UBE3B: variants seen among roughly 807,000 people sequenced by gnomAD.
UBE3B encodes ubiquitin-protein ligase E3B.
In UBE3B, 80 loss-of-function variants were observed where a neutral mutation model predicts 132.3. That is an observed-to-expected ratio of 0.60 (90% confidence interval 0.50 to 0.73). The LOEUF (loss-of-function observed/expected upper bound fraction) is 0.73. Ranked by LOEUF, UBE3B falls within the 30% of genes least tolerant of loss-of-function variation. UBE3B has a pLI of 0.00. For synonymous variants in UBE3B, 487 were observed against 520.4 expected (o/e 0.94, Z 0.87); for missense variants, 1,196 against 1,362.5 (o/e 0.88, Z 1.92).
downstream of UBE3B, among the ~76,000 whole-genome samples, chr12:109,538,403 C>T (rs543468699): frequency 2.0e-4 from 31 of 152,332 alleles, 1 homozygote; most frequent in South Asian, 6.0e-3. The surrounding 1 kb of genome is among the most constrained non-coding windows in gnomAD (Gnocchi z 4.1). Context: ...GCTCTGGAAT[C>T]GCAGAGATGT....
chr12:109,531,942 T>A (rs1460861676), intron 26 of UBE3B, among the ~76,000 whole-genome samples: 1 of 152,106 alleles, frequency 6.6e-6, no homozygotes, highest in Non-Finnish European at 1.5e-5. Flanking sequence ...CCTTACCATG[T>A]GCCTGCCCTT....
In UBE3B at chr12:109,507,641, C is replaced by T. The variant is rs1211231429; in HGVS notation, c.1528C>T (p.Leu510Phe). Residue 510 changes from leucine (L) to phenylalanine (F), a missense_variant, in exon 15 of 28, where the codon CTC (leucine) becomes TTC (phenylalanine). Transcript: ENST00000342494. Reference protein sequence around the residue: ...CELGPHGGLKLFLECLNNDTE... With the variant: ...CELGPHGGLKFFLECLNNDTE... Reference sequence around the variant, plus strand: ...GCTCGGGCCCCACGGAGGGTTAAAGCTCTTCTTGGAATGCCTGAACAATGA... The same window carrying T: ...GCTCGGGCCCCACGGAGGGTTAAAGTTCTTCTTGGAATGCCTGAACAATGA... 2 of 1,614,044 alleles carry T rather than the reference C, an allele frequency of 1.2e-6. No homozygotes were observed. Among genetic ancestry groups the T allele is most frequent in the African/African-American group, 2.7e-5 (2 of 74,926 alleles).
intron 18 of UBE3B, among the ~76,000 whole-genome samples, chr12:109,515,341 G>A (rs542211002): frequency 7.0e-6 from 1 of 142,370 alleles, no homozygotes; most frequent in African/African-American, 2.8e-5. Context: ...ATTTCCTGTT[G>A]TTGTTACTAT....
At chr12:109,478,459 G>A (rs1245903274) in intron 1 of UBE3B, among the ~76,000 whole-genome samples, 1 of 152,162 alleles carries the variant, frequency 6.6e-6, no homozygotes, top group Non-Finnish European at 1.5e-5. Context: ...GTCTCTTTAA[G>A]TCGTGTTTCC....
At chr12:109,501,106 A>T (rs961935279) in intron 12 of UBE3B, among the ~76,000 whole-genome samples, 1 of 152,240 alleles carries the variant, frequency 6.6e-6, no homozygotes, top group Non-Finnish European at 1.5e-5. Flanking sequence ...CCTGGGTGGT[A>T]GCAAGTGTCT....
intron 23 of UBE3B, 99 bp downstream of exon 23, chr12:109,524,602 G>A: frequency 4.5e-6 from 6 of 1,344,424 alleles, no homozygotes; most frequent in South Asian, 1.3e-5. Flanking sequence ...CCCAAGCTGA[G>A]GCTCTGTCTG....
Position 109,534,142 on chromosome 12 carries a change from G to A in UBE3B, c.3016-449G>A. 1 of 1,291,424 alleles carries A rather than the reference G, an allele frequency of 7.7e-7. No individual in the cohort carries two copies. The highest frequency in any genetic ancestry group is 5.5e-5 in the East Asian group (1 of 18,346). 80.0% of individuals were successfully genotyped at this position (1,291,424 alleles called of 1,614,324 possible). On this transcript the variant is annotated intron_variant, in intron 27 of 27. Coordinates refer to ENST00000342494, the MANE Select transcript of UBE3B (RefSeq NM_130466.4). The surrounding 1 kb of genome is among the most constrained non-coding windows in gnomAD (Gnocchi z 5.2). ...TCATGATGCAGTTTGAGCCCGTGAT[G>A]CCACCTTGTACAGGAAGCTACACAG...
At chr12:109,547,053 CA>C in the UBE3B span, among the ~76,000 whole-genome samples, 1 of 151,746 alleles carries the variant, frequency 6.6e-6, no homozygotes, top group Non-Finnish European at 1.5e-5. The surrounding 1 kb of genome is among the most constrained non-coding windows in gnomAD (Gnocchi z 4.1). Context: ...AAGGAGAAAC[CA>C]ATAAGATAAT....
intron 2 of UBE3B, 60 bp from the exon 3 acceptor site, chr12:109,483,471 T>C: frequency 6.7e-7 from 1 of 1,490,180 alleles, no homozygotes; most frequent in East Asian, 2.3e-5. Flanking sequence ...CTTGAGCCCC[T>C]TTCTGTGTGT....
At position 109,498,358 on chromosome 12, in the gene UBE3B, G is replaced by A; in HGVS notation, c.940+5G>A. 6.2e-7 allele frequency: 1 copy of A among 1,612,782 alleles called. No individual in the cohort carries two copies. The highest frequency in any genetic ancestry group is 8.5e-7 in the Non-Finnish European group (1 of 1,179,004). On this transcript the variant is annotated splice_donor_5th_base_variant and intron_variant, in intron 11 of 27. Coordinates refer to ENST00000342494, the MANE Select transcript of UBE3B (RefSeq NM_130466.4). ...GCCATACGCTTTGTCTAATGGGTAA[G>A]TATCCGTGGCTGGAACTTGATTGTG...
At chr12:109,488,729 CT>C in intron 7 of UBE3B, 61 bp downstream of exon 7, 9 of 1,521,454 alleles carry the variant, frequency 5.9e-6, no homozygotes, top group African/African-American at 1.4e-5. Context: ...GCTCAGGGAC[CT>C]TTTTTCCTTT....
intron 14 of UBE3B, among the ~76,000 whole-genome samples, chr12:109,506,562 G>T (rs1879712616): frequency 6.6e-6 from 1 of 152,162 alleles, no homozygotes; most frequent in Non-Finnish European, 1.5e-5. Context: ...TGTTGGCCAG[G>T]CTGGTCTCAA....
intron 9 of UBE3B, among the ~76,000 whole-genome samples, chr12:109,493,525 G>A (rs1398774559): frequency 1.3e-5 from 2 of 152,142 alleles, no homozygotes; most frequent in African/African-American, 4.8e-5. Flanking sequence ...TTTCTTCTCT[G>A]TATGTATTAG....
At chr12:109,500,519 G>T (rs912673265) in intron 12 of UBE3B, among the ~76,000 whole-genome samples, 1 of 152,150 alleles carries the variant, frequency 6.6e-6, no homozygotes, top group Non-Finnish European at 1.5e-5. Context: ...GACATCCCTG[G>T]GTCCTATCTA....
chr12:109,545,342 G>A, the UBE3B span, among the ~76,000 whole-genome samples: 25 of 152,366 alleles, frequency 1.6e-4, no homozygotes, highest in African/African-American at 5.8e-4. Context: ...TGTGCCCCAG[G>A]CTGGGTGCTG....
intron 1 of UBE3B, among the ~76,000 whole-genome samples, chr12:109,479,817 A>C (rs1406306964): frequency 6.6e-6 from 1 of 152,196 alleles, no homozygotes. Flanking sequence ...GAGAAGTGAA[A>C]GTTTTAAGAT....
At chr12:109,500,638 G>A (rs547985395) in intron 12 of UBE3B, among the ~76,000 whole-genome samples, 1 of 152,322 alleles carries the variant, frequency 6.6e-6, no homozygotes, top group African/African-American at 2.4e-5. Flanking sequence ...GGTAAGTGAA[G>A]GAGAGCAGCA....
rs1428527485 is a variant in UBE3B at position 109,489,924 on chromosome 12, A to C, written c.550A>C (p.Ser184Arg). 1 of 1,614,132 alleles carries C rather than the reference A, an allele frequency of 6.2e-7. No homozygotes were observed. The highest frequency in any genetic ancestry group is 1.7e-5 in the Admixed American group (1 of 60,022). ...TCACTGTTTTCTTTCTTTAGGTGAA[A>C]GTCTTCGACCAGCGATGAACCACAT... Reference protein sequence around the residue: ...TWKILRGKGESLRPAMNHICA... With the variant: ...TWKILRGKGERLRPAMNHICA... Residue 184 changes from serine to arginine, a missense_variant, in exon 8 of 28, where the codon AGT becomes CGT. Coordinates refer to ENST00000342494, the MANE Select transcript of UBE3B (RefSeq NM_130466.4).
At chr12:109,538,266 G>A (rs1488949344), downstream of UBE3B, among the ~76,000 whole-genome samples, 1 of 152,202 alleles carries the variant, frequency 6.6e-6, no homozygotes, top group Non-Finnish European at 1.5e-5. This position sits in a 1 kb window ranked among gnomAD's most constrained non-coding sequence, Gnocchi z 4.1. Flanking sequence ...CGCCAAGCTT[G>A]GCGAGTAAAT....
Sources: allele counts gnomAD v4.1 joint callset (sites outside exome capture counted in the v4.1 genomes callset), GRCh38; gene constraint gnomAD v4.1.1; non-coding constraint Gnocchi (gnomAD v3.1); transcripts MANE v1.5; gene names NCBI Gene and HGNC (gene_info 2026-07-23, HGNC 2026-07-21).